The following UBE2O variants were observed in gnomAD, a reference collection of about 807,000 sequenced individuals.
UBE2O encodes the protein (E3-independent) E2 ubiquitin-conjugating enzyme.
UBE2O carries 15 observed loss-of-function variants against 125.8 expected under a neutral mutation model. The ratio of observed to expected loss-of-function variants is 0.12; its 90% CI spans 0.08 to 0.18. The LOEUF (loss-of-function observed/expected upper bound fraction) is 0.18. UBE2O is among the 10% of genes least tolerant of loss of function. The pLI is 1.00. For missense variants in UBE2O, 1,280 were observed against 1,723.6 expected, an observed-to-expected ratio of 0.74 and a Z score of 4.56; for synonymous variants, 708 against 703.2, an observed-to-expected ratio of 1.01 and a Z score of -0.11.
chr17:76,427,188 G>C (rs1008187746), intron 1 of UBE2O, among the ~76,000 whole-genome samples: 2 of 152,064 alleles, frequency 1.3e-5, no homozygotes, highest in Admixed American at 6.5e-5. Flanking sequence ...TTCCTCACAA[G>C]CATCTCTTTT....
At chr17:76,411,855 A>C (rs953154610) in intron 1 of UBE2O, among the ~76,000 whole-genome samples, 6 of 151,246 alleles carry the variant, frequency 4.0e-5, no homozygotes, top group Non-Finnish European at 5.9e-5. Context: ...GGCTAATTTT[A>C]TTTTTTTTGT....
intron 3 of UBE2O, among the ~76,000 whole-genome samples, chr17:76,403,097 G>C (rs2072357092): frequency 6.6e-6 from 1 of 152,104 alleles, no homozygotes; most frequent in Non-Finnish European, 1.5e-5. Flanking sequence ...ACAGTGCTCT[G>C]AGTAAATACG....
At chr17:76,397,724 G>T in intron 13 of UBE2O, 75 bp downstream of exon 13, 1 of 1,423,372 alleles carries the variant, frequency 7.0e-7, no homozygotes, top group South Asian at 1.2e-5. Flanking sequence ...CCCATCTTCT[G>T]GCTACACGCC....
Position 76,405,108 on chromosome 17 carries a change from G to T in UBE2O, c.588+98C>A. 1.1e-6 allele frequency: 1 copy of T among 897,758 alleles called. No homozygotes were observed. 55.6% of individuals were successfully genotyped at this position (897,758 alleles called of 1,614,324 possible). On this transcript the variant is annotated intron_variant, in intron 3 of 17. Coordinates refer to ENST00000319380, the MANE Select transcript of UBE2O (RefSeq NM_022066.4). The surrounding 1 kb of genome is among the most constrained non-coding windows in gnomAD (Gnocchi z 6.1). The stretch of plus-strand genomic sequence containing the variant: ...CCGCCTTCTGACCCAGGAAGGCTGT[G>T]CTTGGCAAGAGCACGGAGGAGGCTG...
chr17:76,442,270 A>G (rs950820450), intron 1 of UBE2O, among the ~76,000 whole-genome samples: 1 of 152,190 alleles, frequency 6.6e-6, no homozygotes, highest in Non-Finnish European at 1.5e-5. Context: ...TAGTATTAGG[A>G]TGCCCATACG....
At chr17:76,442,560 T>G (rs2073089970) in intron 1 of UBE2O, among the ~76,000 whole-genome samples, 1 of 152,266 alleles carries the variant, frequency 6.6e-6, no homozygotes, top group Non-Finnish European at 1.5e-5. Context: ...CTGTCTCTGT[T>G]TCTCAAGGAG....
At position 76,391,803 on chromosome 17, in the gene UBE2O, C is replaced by T. The variant is rs758767139; in HGVS notation, c.3161G>A (p.Arg1054Lys). The T allele has an allele frequency of 6.2e-7, 1 of 1,614,120 alleles. No individual in the cohort carries two copies. The highest frequency in any genetic ancestry group is 1.1e-5 in the South Asian group (1 of 91,076). Reference sequence around the variant, plus strand: ...GAGAAGGCTGGACTTGCTTGTCCACCTCTCTGTCCCCTGAAACACACAGGG... The same window carrying T: ...GAGAAGGCTGGACTTGCTTGTCCACTTCTCTGTCCCCTGAAACACACAGGG... ...LGTWIGKGTERWTSKSSLLQV... is the reference protein window; with the variant it reads ...LGTWIGKGTEKWTSKSSLLQV... Residue 1054 changes from arginine (R) to lysine (K), a missense_variant, in exon 17 of 18, where the codon AGG (arginine) becomes AAG (lysine). Physicochemically the swap from Arg to Lys is conservative, Grantham distance 26. This residue lies in a region of UBE2O where 37 missense variants were observed against 115.6 expected (regional missense o/e 0.32). Transcript: ENST00000319380. This position sits in a 1 kb window ranked among gnomAD's most constrained non-coding sequence, Gnocchi z 8.4.
intron 1 of UBE2O, among the ~76,000 whole-genome samples, chr17:76,446,265 G>A (rs1490431860): frequency 6.6e-6 from 1 of 152,196 alleles, no homozygotes; most frequent in African/African-American, 2.4e-5. Flanking sequence ...CCGACCACCA[G>A]CGGCAGCTGA....
chr17:76,395,939 A>C lies in UBE2O; in HGVS notation c.2810-78T>G. On this transcript the variant is annotated intron_variant, in intron 14 of 17. Coordinates refer to ENST00000319380, the MANE Select transcript of UBE2O (RefSeq NM_022066.4). This position sits in a 1 kb window ranked among gnomAD's most constrained non-coding sequence, Gnocchi z 5.0. Reference sequence around the variant, plus strand: ...ATCTGCCAACCTGGCTGGACAGGTGAGCACACCCACAGACTTCCCACTCGC... The same window carrying C: ...ATCTGCCAACCTGGCTGGACAGGTGCGCACACCCACAGACTTCCCACTCGC... The C allele has an allele frequency of 6.3e-7, 1 of 1,586,240 alleles. No individual in the cohort carries two copies. The highest frequency in any genetic ancestry group is 8.6e-7 in the Non-Finnish European group (1 of 1,161,464).
Position 76,405,130 on chromosome 17 carries a change from G to A in UBE2O, c.588+76C>T, listed in dbSNP as rs185546282. On this transcript the variant is annotated intron_variant, in intron 3 of 17. Coordinates refer to ENST00000319380, the MANE Select transcript of UBE2O (RefSeq NM_022066.4). The surrounding 1 kb of genome is among the most constrained non-coding windows in gnomAD (Gnocchi z 6.1). ...TGTGCTTGGCAAGAGCACGGAGGAG[G>A]CTGTAGCCCAGAGGTCGTGCCGCCG... 6.5e-3 allele frequency: 7,266 copies of A among 1,116,800 alleles called. 52 individuals are homozygous for A. The highest frequency in any genetic ancestry group is 0.017 in the South Asian group (1,158 of 67,786). 69.2% of individuals were successfully genotyped at this position (1,116,800 alleles called of 1,614,324 possible).
intron 1 of UBE2O, among the ~76,000 whole-genome samples, chr17:76,432,477 C>G (rs2143852804): frequency 6.6e-6 from 1 of 152,324 alleles, no homozygotes; most frequent in Non-Finnish European, 1.5e-5. Context: ...TTAGCAACCC[C>G]TTTCTCATCC....
In UBE2O at chr17:76,400,058, C is replaced by A; in HGVS notation, c.1155+89G>T. 6.5e-7 allele frequency: 1 copy of A among 1,549,866 alleles called. No homozygotes were observed. Among genetic ancestry groups the A allele is most frequent in the Non-Finnish European group, 8.7e-7 (1 of 1,145,246 alleles). ...GGGTCATCAGGGCTGCCCCCCAAGGCCTAAAGCACAGACTGTCCTTCTTGG... is the reference window on the plus strand; with the variant it reads ...GGGTCATCAGGGCTGCCCCCCAAGGACTAAAGCACAGACTGTCCTTCTTGG... On this transcript the variant is annotated intron_variant, in intron 8 of 17. Coordinates refer to ENST00000319380, the MANE Select transcript of UBE2O (RefSeq NM_022066.4). This position sits in a 1 kb window ranked among gnomAD's most constrained non-coding sequence, Gnocchi z 4.3.
At chr17:76,432,165 GAA>G (rs1450244345) in intron 1 of UBE2O, among the ~76,000 whole-genome samples, 1 of 152,138 alleles carries the variant, frequency 6.6e-6, no homozygotes, top group Non-Finnish European at 1.5e-5. Context: ...AGAGCCTTTG[GAA>G]ACTCAAGGCC....
chr17:76,401,501 G>T (rs2072324043), intron 5 of UBE2O, among the ~76,000 whole-genome samples: 1 of 152,098 alleles, frequency 6.6e-6, no homozygotes, highest in Non-Finnish European at 1.5e-5. Context: ...ATGTACTATT[G>T]TAACTAACAC....
intron 1 of UBE2O, among the ~76,000 whole-genome samples, chr17:76,450,009 T>A (rs567937999): frequency 2.4e-4 from 37 of 151,708 alleles, no homozygotes; most frequent in African/African-American, 7.5e-4. Context: ...GAGGATTGTG[T>A]GAGACCAGGA....
rs1331973543 is a variant in UBE2O, at chr17:76,443,704, C to T, written c.417+9021G>A. Among the ~76,000 whole-genome samples, 4 of 152,040 alleles carry T rather than the reference C, an allele frequency of 2.6e-5. No individual in the cohort carries two copies. In the East Asian group the frequency reaches 7.7e-4, roughly 29 times the overall value. ...CACAATGGAGCTATCAAGTAAGCAGCTGGGCATGTGATGTCACTGTGGAAG... is the reference window on the plus strand; with the variant it reads ...CACAATGGAGCTATCAAGTAAGCAGTTGGGCATGTGATGTCACTGTGGAAG... On this transcript the variant is annotated intron_variant, in intron 1 of 17. Coordinates refer to ENST00000319380, the MANE Select transcript of UBE2O (RefSeq NM_022066.4).
At position 76,390,653 on chromosome 17, in the gene UBE2O, A is replaced by AG. The variant is rs2072091402; in HGVS notation, c.*289dup. 1 of 315,814 alleles carries AG rather than the reference A, an allele frequency of 3.2e-6. No individual in the cohort carries two copies. Among genetic ancestry groups the AG allele is most frequent in the Admixed American group, 4.7e-5 (1 of 21,306 alleles). The allele number at this position is 315,814 out of a possible 1,614,324, so 19.6% of individuals were successfully genotyped here. On this transcript the variant is annotated 3_prime_UTR_variant, in exon 18 of 18. Transcript: ENST00000319380. ...GCCTCTGACCTGAGAAGGGGCAGCA[A>AG]GGGAGCAAGTGCCGGACATTCTGCT... is the stretch of plus-strand genomic sequence containing the variant.
intron 15 of UBE2O, among the ~76,000 whole-genome samples, chr17:76,394,638 T>G (rs967963235): frequency 5.9e-5 from 9 of 152,186 alleles, no homozygotes; most frequent in African/African-American, 2.2e-4. Flanking sequence ...AAATATTTTT[T>G]TAGTGTATAA....
At position 76,399,808 on chromosome 17, in the gene UBE2O, G is replaced by C; in HGVS notation, c.1269C>G (p.Thr423=). The C allele has an allele frequency of 6.2e-7, 1 of 1,614,200 alleles. No homozygotes were observed. The highest frequency in any genetic ancestry group is 8.5e-7 in the Non-Finnish European group (1 of 1,180,028). ...EDPDKKGESK[T]KSEAESASPE... The stretch of plus-strand genomic sequence containing the variant: ...GGCTGGCAGACTCCGCTTCGCTCTT[G>C]GTTTTGGATTCCCCCTTCTTGTCTG... Residue 423 remains threonine, a synonymous_variant, in exon 9 of 18, where the codon ACC becomes ACG. Coordinates refer to ENST00000319380, the MANE Select transcript of UBE2O (RefSeq NM_022066.4). The surrounding 1 kb of genome is among the most constrained non-coding windows in gnomAD (Gnocchi z 6.9).
Sources: allele counts gnomAD v4.1 joint callset (sites outside exome capture counted in the v4.1 genomes callset), GRCh38; gene constraint gnomAD v4.1.1; regional missense constraint gnomAD v4.1.1; non-coding constraint Gnocchi (gnomAD v3.1); transcripts MANE v1.5; gene names NCBI Gene and HGNC (gene_info 2026-07-23, HGNC 2026-07-21).